Variants in AUTS2 observed in about 807,000 individuals in gnomAD.
AUTS2 encodes the protein autism susceptibility gene 2 protein.
In AUTS2, 17 loss-of-function variants were observed where a neutral mutation model predicts 112.4. That is an observed-to-expected ratio of 0.15 (90% CI 0.10 to 0.23). AUTS2 has a LOEUF of 0.23. Among genes scored for constraint, AUTS2 ranks in the 10% least tolerant of loss-of-function variants. AUTS2 has a pLI of 1.00. For synonymous variants in AUTS2, 751 were observed against 702.7 expected (o/e 1.07, Z -1.09); for missense variants, 1,510 against 1,701.6 (o/e 0.89, Z 1.98).
chr7:69,747,577 G>A (rs953974881), intron 1 of AUTS2, among the ~76,000 whole-genome samples: 3 of 152,172 alleles, frequency 2.0e-5, no homozygotes, highest in African/African-American at 7.2e-5. Context: ...TTTACACATA[G>A]GGAAGTGGCT....
At chr7:70,033,624 T>C (rs1554432246) in intron 2 of AUTS2, among the ~76,000 whole-genome samples, 1 of 152,156 alleles carries the variant, frequency 6.6e-6, no homozygotes, top group Non-Finnish European at 1.5e-5. Flanking sequence ...AAACCTGTTA[T>C]TTGTAGTTAG....
At chr7:70,314,639 T>C (rs768276027) in intron 4 of AUTS2, among the ~76,000 whole-genome samples, 3 of 152,256 alleles carry the variant, frequency 2.0e-5, no homozygotes, top group Non-Finnish European at 2.9e-5. Flanking sequence ...GTCCAGACTT[T>C]CGTATCACAC....
At chr7:69,663,830 A>G (rs533570907) in intron 1 of AUTS2, among the ~76,000 whole-genome samples, 2 of 152,282 alleles carry the variant, frequency 1.3e-5, no homozygotes, top group South Asian at 4.1e-4. Flanking sequence ...GCCTGTGGTA[A>G]AAAGGTAATT....
chr7:69,728,389 T>C (rs1786620625), intron 1 of AUTS2, among the ~76,000 whole-genome samples: 1 of 152,234 alleles, frequency 6.6e-6, no homozygotes, highest in Admixed American at 6.5e-5. Flanking sequence ...AAAGAATAGC[T>C]TTCCCCTGGA....
intron 1 of AUTS2, among the ~76,000 whole-genome samples, chr7:69,790,603 T>C (rs1372772723): frequency 6.6e-6 from 1 of 152,264 alleles, no homozygotes; most frequent in Non-Finnish European, 1.5e-5. Flanking sequence ...TGAAAAATTA[T>C]AATGATACCT....
At chr7:69,870,052 G>A (rs1793413217) in intron 1 of AUTS2, among the ~76,000 whole-genome samples, 1 of 152,120 alleles carries the variant, frequency 6.6e-6, no homozygotes, top group Non-Finnish European at 1.5e-5. Flanking sequence ...GACTGTGATT[G>A]TTAATATACT....
At chr7:70,549,808 C>T (rs1010351475) in intron 5 of AUTS2, among the ~76,000 whole-genome samples, 6 of 152,304 alleles carry the variant, frequency 3.9e-5, no homozygotes, top group South Asian at 2.1e-4. Context: ...TGAAACAACA[C>T]GAAGGAGCCC....
In AUTS2 at chr7:70,631,284, G is replaced by A. The variant is rs1384653124; in HGVS notation, c.691-67285G>A. The stretch of plus-strand genomic sequence containing the variant: ...TTACAGCAGGGCTGGGGCCCGGCTT[G>A]CTGCGGGCTGGCCGGGCTGCTGGCT... On this transcript the variant is annotated intron_variant, in intron 5 of 18. Coordinates refer to ENST00000342771, the MANE Select transcript of AUTS2 (RefSeq NM_015570.4). The surrounding 1 kb of genome is among the most constrained non-coding windows in gnomAD (Gnocchi z 4.5). Among the ~76,000 whole-genome samples the A allele has an allele frequency of 1.3e-5, 2 of 152,220 alleles. No homozygotes were observed. The highest frequency in any genetic ancestry group is 2.9e-5 in the Non-Finnish European group (2 of 68,048).
intron 1 of AUTS2, among the ~76,000 whole-genome samples, chr7:69,830,131 G>A (rs1231006337): frequency 1.3e-5 from 2 of 152,014 alleles, no homozygotes; most frequent in Non-Finnish European, 2.9e-5. Context: ...AAACTAACAC[G>A]GGAACAGAAA....
chr7:70,695,939 G>A (rs1440615837), intron 5 of AUTS2, among the ~76,000 whole-genome samples: 2 of 152,182 alleles, frequency 1.3e-5, no homozygotes, highest in African/African-American at 4.8e-5. Context: ...TCTGTAGCGG[G>A]TAGAGGTGCC....
rs1437137578 is a variant in AUTS2, at chr7:70,790,273, G to A, written c.3057G>A (p.Leu1019=). ...NSSSSVHPGP[L]ASMPMTVGVT... is the part of the protein sequence containing the mutation. The stretch of plus-strand genomic sequence containing the variant: ...CGTCCAGCGTGCACCCGGGGCCCCT[G>A]GCCTCGATGCCCATGACGGTGGGGG... The change falls in exon 19 of 19, where the codon CTG becomes CTA. Residue 1019 remains leucine, a synonymous_variant. Coordinates refer to ENST00000342771, the MANE Select transcript of AUTS2 (RefSeq NM_015570.4). This position sits in a 1 kb window ranked among gnomAD's most constrained non-coding sequence, Gnocchi z 7.6. 3 of 1,613,254 alleles carry A rather than the reference G, an allele frequency of 1.9e-6. No individual in the cohort carries two copies. The highest frequency in any genetic ancestry group is 2.5e-6 in the Non-Finnish European group (3 of 1,179,910).
At chr7:70,196,113 T>C (rs6958072) in intron 4 of AUTS2, among the ~76,000 whole-genome samples, 2,976 of 152,188 alleles carry the variant, frequency 0.02, 114 homozygotes, top group African/African-American at 0.068. Flanking sequence ...TAGGAGGAAA[T>C]TGTGGAGTGA....
chr7:70,336,504 A>T (rs1355120356), intron 4 of AUTS2, among the ~76,000 whole-genome samples: 1 of 152,190 alleles, frequency 6.6e-6, no homozygotes, highest in African/African-American at 2.4e-5. Flanking sequence ...ACAAAAGCTG[A>T]TGCCTGTATA....
chr7:70,515,599 CAG>C (rs1214146893), intron 5 of AUTS2, among the ~76,000 whole-genome samples: 18 of 152,230 alleles, frequency 1.2e-4, no homozygotes, highest in African/African-American at 4.3e-4. Flanking sequence ...CAACGAGACC[CAG>C]GGGGACATTC....
Position 70,652,250 on chromosome 7 carries a change from A to G in AUTS2, c.691-46319A>G, listed in dbSNP as rs190073849. Among the ~76,000 whole-genome samples, 20 of 152,314 alleles carry G rather than the reference A, an allele frequency of 1.3e-4. No homozygotes were observed. The East Asian group carries it at 2.9e-3, about 22-fold the overall frequency. ...AAGTCTTTCATTACTCTGCAGTATA[A>G]AGTGTTTACTAAACAGAATTAAGCC... On this transcript the variant is annotated intron_variant, in intron 5 of 18. Transcript: ENST00000342771.
At chr7:70,712,618 T>G (rs1031653463) in intron 6 of AUTS2, among the ~76,000 whole-genome samples, 2 of 152,200 alleles carry the variant, frequency 1.3e-5, no homozygotes, top group African/African-American at 4.8e-5. Flanking sequence ...GTCACAACTC[T>G]GTTTTCACAA....
intron 6 of AUTS2, among the ~76,000 whole-genome samples, chr7:70,741,115 A>T (rs1225771613): frequency 1.3e-5 from 2 of 151,924 alleles, no homozygotes; most frequent in South Asian, 2.1e-4. Context: ...AAAATAAAAA[A>T]AAAAAAGAAA....
intron 6 of AUTS2, among the ~76,000 whole-genome samples, chr7:70,716,458 C>T (rs1175644373): frequency 6.6e-6 from 1 of 151,824 alleles, no homozygotes; most frequent in Admixed American, 6.6e-5. Flanking sequence ...ACAGTGAAAC[C>T]CCATCTCTAC....
At chr7:70,082,429 T>C (rs1803367852) in intron 2 of AUTS2, among the ~76,000 whole-genome samples, 1 of 152,206 alleles carries the variant, frequency 6.6e-6, no homozygotes, top group Non-Finnish European at 1.5e-5. Flanking sequence ...GTTTTACTTG[T>C]GCATATGTTT....
Sources: gnomAD v4.1 joint callset for allele counts (sites outside exome capture counted in the v4.1 genomes callset) on GRCh38, gnomAD v4.1.1 for gene constraint, Gnocchi (gnomAD v3.1) non-coding constraint, MANE v1.5 for transcripts, NCBI Gene and HGNC (gene_info 2026-07-23, HGNC 2026-07-21) for gene names.